The following PPARGC1A variants were observed in gnomAD, a reference collection of about 807,000 sequenced individuals.
PPARGC1A encodes the protein PPARG coactivator 1 alpha.
In PPARGC1A, 25 loss-of-function variants were observed where a neutral mutation model predicts 88.7. The observed-to-expected ratio is 0.28, with a 90% confidence interval of 0.21 to 0.39. The LOEUF (loss-of-function observed/expected upper bound fraction) is 0.39, where lower values mean the gene tolerates loss of function less well. PPARGC1A is among the 10% of genes least tolerant of loss of function. The pLI is 1.00. For missense variants in PPARGC1A, 880 were observed against 968.7 expected (o/e 0.91, Z 1.22); for synonymous variants, 363 against 355.6 (o/e 1.02, Z -0.24).
chr4:23,904,710 A>G (rs1483056778), upstream of PPARGC1A, among the ~76,000 whole-genome samples: 2 of 152,206 alleles, frequency 1.3e-5, no homozygotes, highest in African/African-American at 4.8e-5. Flanking sequence ...GAGCAGGTCA[A>G]TACCAATCAT....
chr4:23,898,743 T>C (rs1180690428), intron 1 of PPARGC1A, among the ~76,000 whole-genome samples: 1 of 152,176 alleles, frequency 6.6e-6, no homozygotes, highest in Non-Finnish European at 1.5e-5. Flanking sequence ...GGGTCCAGAT[T>C]GTACTTTGCA....
chr4:24,065,941 G>A, the PPARGC1A span, among the ~76,000 whole-genome samples: 21 of 152,272 alleles, frequency 1.4e-4, no homozygotes, highest in East Asian at 3.3e-3. Flanking sequence ...CTTCTCAGAA[G>A]CTCCGGCAGG....
At chr4:24,319,324 G>A in the PPARGC1A span, among the ~76,000 whole-genome samples, 68 of 152,272 alleles carry the variant, frequency 4.5e-4, 1 homozygote, top group Admixed American at 4.3e-3. Flanking sequence ...TCCAGCCTGG[G>A]TGACAGAGTG....
the PPARGC1A span, among the ~76,000 whole-genome samples, chr4:24,079,417 G>A: frequency 2.6e-5 from 4 of 152,038 alleles, no homozygotes; most frequent in African/African-American, 9.6e-5. Context: ...TATATCTTCT[G>A]TTAATTGCTC....
At chr4:23,985,195 C>A in the PPARGC1A span, among the ~76,000 whole-genome samples, 2 of 152,044 alleles carry the variant, frequency 1.3e-5, no homozygotes, top group African/African-American at 4.8e-5. Context: ...GACTACCAAA[C>A]AAATGGGAAA....
chr4:23,903,199 C>T (rs942204417), upstream of PPARGC1A, among the ~76,000 whole-genome samples: 7 of 152,202 alleles, frequency 4.6e-5, no homozygotes, highest in South Asian at 1.0e-3. Flanking sequence ...AAAAGAATAT[C>T]AAGCATCATT....
the PPARGC1A span, among the ~76,000 whole-genome samples, chr4:23,986,382 A>G: frequency 1.2e-4 from 18 of 152,096 alleles, no homozygotes; most frequent in African/African-American, 4.1e-4. Context: ...TCAAATTAAA[A>G]TGATTTGTAT....
At chr4:24,091,407 C>T in the PPARGC1A span, 99 of 973,144 alleles carry the variant, frequency 1.0e-4, no homozygotes, top group Admixed American at 1.4e-3. Flanking sequence ...ATTACCTAGA[C>T]TTGGAGCCAA....
At chr4:24,038,343 G>C in the PPARGC1A span, among the ~76,000 whole-genome samples, 2 of 152,142 alleles carry the variant, frequency 1.3e-5, no homozygotes, top group Non-Finnish European at 2.9e-5. Context: ...AGATTGACCT[G>C]GGTGCATTAG....
chr4:23,996,869 G>A, the PPARGC1A span, among the ~76,000 whole-genome samples: 2 of 152,208 alleles, frequency 1.3e-5, no homozygotes, highest in Non-Finnish European at 2.9e-5. Flanking sequence ...GACAATGAGT[G>A]CTAGTTTGCC....
the PPARGC1A span, among the ~76,000 whole-genome samples, chr4:24,443,026 A>C: frequency 1.3e-5 from 2 of 152,110 alleles, no homozygotes; most frequent in African/African-American, 4.8e-5. Context: ...ATTTCCTAGG[A>C]GCGCCATTTC....
the PPARGC1A span, among the ~76,000 whole-genome samples, chr4:24,077,208 G>C: frequency 0.054 from 8,152 of 151,980 alleles, 335 homozygotes; most frequent in Middle Eastern, 0.12. Flanking sequence ...GCCTCTCTTT[G>C]GGTCTGGACC....
At chr4:24,048,820 A>C in the PPARGC1A span, among the ~76,000 whole-genome samples, 1 of 152,124 alleles carries the variant, frequency 6.6e-6, no homozygotes, top group East Asian at 1.9e-4. Context: ...TTAGACACAA[A>C]CCTCTTTCCA....
the PPARGC1A span, among the ~76,000 whole-genome samples, chr4:24,315,242 A>G: frequency 6.6e-6 from 1 of 152,172 alleles, no homozygotes; most frequent in Non-Finnish European, 1.5e-5. Context: ...TGCTGAAGCC[A>G]CTAGTGTCAG....
the PPARGC1A span, among the ~76,000 whole-genome samples, chr4:24,146,642 T>A: frequency 6.6e-6 from 1 of 152,226 alleles, no homozygotes; most frequent in African/African-American, 2.4e-5. Flanking sequence ...ACAAGCTGCA[T>A]GCTGCCTATA....
intron 2 of PPARGC1A, among the ~76,000 whole-genome samples, chr4:23,849,575 T>G (rs1467885503): frequency 6.6e-6 from 1 of 152,090 alleles, no homozygotes; most frequent in Admixed American, 6.6e-5. Context: ...AAAGAAAAGT[T>G]TATTGTGTTT....
the PPARGC1A span, among the ~76,000 whole-genome samples, chr4:24,128,935 C>A: frequency 0.2 from 30,263 of 152,140 alleles, 3,316 homozygotes; most frequent in Non-Finnish European, 0.22. Context: ...TAACAAAACA[C>A]CCTTCACTCT....
At chr4:24,049,205 CATATATATAAATATATATAT>C in the PPARGC1A span, among the ~76,000 whole-genome samples, 8 of 9,012 alleles carry the variant, frequency 8.9e-4, no homozygotes, top group South Asian at 0.013. Context: ...TATATACACA[CATATATATAAATATATATAT>C]ACATATATAT....
chr4:24,156,660 A>G, the PPARGC1A span, among the ~76,000 whole-genome samples: 1 of 152,156 alleles, frequency 6.6e-6, no homozygotes, highest in Non-Finnish European at 1.5e-5. Context: ...AGTGGATTTC[A>G]CAATTGCTCC....
Sources: allele counts gnomAD v4.1 joint callset (sites outside exome capture counted in the v4.1 genomes callset), GRCh38; gene constraint gnomAD v4.1.1; transcripts MANE v1.5; gene names NCBI Gene and HGNC (gene_info 2026-07-23, HGNC 2026-07-21).